The following CNTN4 variants were observed in gnomAD, a reference collection of about 807,000 sequenced individuals.
CNTN4 encodes the protein contactin 4.
A neutral mutation model predicts 122.5 loss-of-function variants in CNTN4; 77 were observed. That is an observed-to-expected ratio of 0.63 (90% CI 0.52 to 0.76). The LOEUF is 0.76. Ranked by LOEUF, CNTN4 falls within the 30% of genes least tolerant of loss-of-function variation. The pLI, the probability that CNTN4 is intolerant of heterozygous loss-of-function variation, is 0.00. For missense variants in CNTN4, 1,256 were observed against 1,259.1 expected (o/e 1.00, Z 0.04); for synonymous variants, 512 against 447.0 (o/e 1.15, Z -1.83).
intron 2 of CNTN4, among the ~76,000 whole-genome samples, chr3:2,128,868 G>A (rs921994123): frequency 6.6e-5 from 10 of 152,176 alleles, no homozygotes; most frequent in Non-Finnish European, 5.9e-5. Context: ...CGTATAGTGA[G>A]TGTCCTATCA....
chr3:2,699,963 A>C (rs2086267588), intron 4 of CNTN4, among the ~76,000 whole-genome samples: 1 of 152,164 alleles, frequency 6.6e-6, no homozygotes, highest in East Asian at 1.9e-4. Flanking sequence ...GTCTCCTCTC[A>C]TAATGCTGCA....
At chr3:2,627,553 G>A (rs1019012640) in intron 4 of CNTN4, among the ~76,000 whole-genome samples, 1 of 146,390 alleles carries the variant, frequency 6.8e-6, no homozygotes, top group Non-Finnish European at 1.5e-5. Context: ...GAGTGTAGTA[G>A]CGCAATCTCG....
Position 2,423,850 on chromosome 3 carries a change from T to C in CNTN4, c.-89+84617T>C, listed in dbSNP as rs140018989. On this transcript the variant is annotated intron_variant, in intron 3 of 24. Coordinates refer to ENST00000418658, the MANE Select transcript of CNTN4 (RefSeq NM_175607.3). Reference sequence around the variant, plus strand: ...ATTGGTGCCGAACATCGTTCCGGTCTATGGTGGGAGTAATAGTTCTTATTT... The same window carrying C: ...ATTGGTGCCGAACATCGTTCCGGTCCATGGTGGGAGTAATAGTTCTTATTT... 7.1e-3 allele frequency among the ~76,000 whole-genome samples: 1,078 copies of C among 150,794 alleles called. 7 individuals are homozygous for C. Among genetic ancestry groups the C allele is most frequent in the African/African-American group, 0.015 (637 of 41,122 alleles).
intron 14 of CNTN4, among the ~76,000 whole-genome samples, chr3:2,991,383 T>G (rs76529627): frequency 0.092 from 14,014 of 152,196 alleles, 806 homozygotes; most frequent in Non-Finnish European, 0.13. Flanking sequence ...TTTCTGGCAG[T>G]GGCTCCTGGT....
chr3:2,125,554 T>C (rs552619033), intron 2 of CNTN4, among the ~76,000 whole-genome samples: 36 of 136,174 alleles, frequency 2.6e-4, no homozygotes, highest in Middle Eastern at 4.3e-3. Context: ...TTTTTTCTTT[T>C]TCTTTTTCTT....
chr3:2,720,041 T>C (rs1368727704), intron 4 of CNTN4, among the ~76,000 whole-genome samples: 3 of 152,146 alleles, frequency 2.0e-5, no homozygotes, highest in African/African-American at 4.8e-5. Context: ...CAAGTGTCTA[T>C]CTTCTAAGAG....
In CNTN4 at chr3:2,859,182, T is replaced by C. The variant is rs1311704915; in HGVS notation, c.455-7570T>C. Among the ~76,000 whole-genome samples the C allele has an allele frequency of 2.6e-5, 4 of 152,364 alleles. No homozygotes were observed. In the East Asian group the frequency reaches 7.7e-4, roughly 29 times the overall value. On this transcript the variant is annotated intron_variant, in intron 7 of 24. Coordinates refer to ENST00000418658, the MANE Select transcript of CNTN4 (RefSeq NM_175607.3). ...TGCTTGTCTTTCTGTGCCTGGCTTA[T>C]TTCACTTTGCATAATGTCCTCCAGG... is the stretch of plus-strand genomic sequence containing the variant.
At chr3:2,328,489 C>G (rs1020217121) in intron 2 of CNTN4, among the ~76,000 whole-genome samples, 2 of 152,162 alleles carry the variant, frequency 1.3e-5, no homozygotes, top group African/African-American at 4.8e-5. Context: ...GTAAAACTTA[C>G]GTTAAATTAA....
intron 4 of CNTN4, among the ~76,000 whole-genome samples, chr3:2,600,276 C>T (rs965053823): frequency 6.6e-6 from 1 of 151,754 alleles, no homozygotes; most frequent in Non-Finnish European, 1.5e-5. Flanking sequence ...CATTTGTATA[C>T]ACACGCCATG....
chr3:2,860,895 C>T (rs1000506452), intron 7 of CNTN4, among the ~76,000 whole-genome samples: 1 of 152,140 alleles, frequency 6.6e-6, no homozygotes, highest in African/African-American at 2.4e-5. Flanking sequence ...TGTGCACAAT[C>T]ATCAGTGCTA....
At chr3:2,885,968 G>C (rs182905330) in intron 9 of CNTN4, among the ~76,000 whole-genome samples, 1 of 152,130 alleles carries the variant, frequency 6.6e-6, no homozygotes, top group African/African-American at 2.4e-5. Context: ...GGACAGCTCA[G>C]GGCTGCCATG....
At chr3:2,212,392 G>C (rs1010859063) in intron 2 of CNTN4, among the ~76,000 whole-genome samples, 5 of 152,170 alleles carry the variant, frequency 3.3e-5, no homozygotes, top group African/African-American at 1.2e-4. Flanking sequence ...AAAGAGGTTT[G>C]ATTAACTCAC....
intron 2 of CNTN4, among the ~76,000 whole-genome samples, chr3:2,234,692 T>C (rs1175224009): frequency 1.3e-5 from 2 of 152,224 alleles, no homozygotes; most frequent in African/African-American, 4.8e-5. Flanking sequence ...GAAATTTTAT[T>C]TGAATCTTTA....
intron 3 of CNTN4, among the ~76,000 whole-genome samples, chr3:2,568,957 G>A (rs559805284): frequency 2.0e-4 from 31 of 152,208 alleles, no homozygotes; most frequent in African/African-American, 6.5e-4. Flanking sequence ...CCCGAGGTCC[G>A]AGATGACATT....
chr3:2,122,027 C>CAGGT (rs761876595), intron 2 of CNTN4, among the ~76,000 whole-genome samples: 51 of 143,288 alleles, frequency 3.6e-4, no homozygotes, highest in Non-Finnish European at 7.1e-4. Context: ...GTGGTGGCGG[C>CAGGT]GCCTGTAGTC....
intron 4 of CNTN4, among the ~76,000 whole-genome samples, chr3:2,611,029 A>G (rs573526306): frequency 3.2e-4 from 48 of 152,222 alleles, no homozygotes; most frequent in Non-Finnish European, 6.3e-4. Context: ...TACTTCCATT[A>G]TAACATGCTT....
At chr3:2,218,967 C>G (rs1183149) in intron 2 of CNTN4, among the ~76,000 whole-genome samples, 1 of 151,940 alleles carries the variant, frequency 6.6e-6, no homozygotes, top group Non-Finnish European at 1.5e-5. Flanking sequence ...GAGAGAATGC[C>G]GGAGCTGAAG....
In CNTN4 at chr3:2,978,103, A is replaced by G. The variant is rs183069409; in HGVS notation, c.1359-10242A>G. ...GCCAATACCTTCATGTCAGACTGCCATCCTCCACCACTGCCAGAGTATAGA... is the reference window on the plus strand; with the variant it reads ...GCCAATACCTTCATGTCAGACTGCCGTCCTCCACCACTGCCAGAGTATAGA... On this transcript the variant is annotated intron_variant, in intron 13 of 24. Transcript: ENST00000418658. 1.8e-4 allele frequency among the ~76,000 whole-genome samples: 28 copies of G among 152,320 alleles called. No individual in the cohort carries two copies. The East Asian group carries it at 5.0e-3, about 27-fold the overall frequency.
chr3:2,672,639 T>C (rs547530118), intron 4 of CNTN4, among the ~76,000 whole-genome samples: 1 of 152,214 alleles, frequency 6.6e-6, no homozygotes, highest in Non-Finnish European at 1.5e-5. Context: ...CCCAGTGAGA[T>C]GTACCTGGTA....
Sources: allele counts gnomAD v4.1 joint callset (sites outside exome capture counted in the v4.1 genomes callset), GRCh38; gene constraint gnomAD v4.1.1; transcripts MANE v1.5; gene names NCBI Gene and HGNC (gene_info 2026-07-23, HGNC 2026-07-21).